The following TMCO4 variants were observed in gnomAD, a reference collection of about 807,000 sequenced individuals.
TMCO4 encodes transmembrane and coiled-coil domain-containing protein 4.
TMCO4 carries 58 observed loss-of-function variants against 64.7 expected under a neutral mutation model. The ratio of observed to expected loss-of-function variants is 0.90; its 90% CI spans 0.73 to 1.12. The LOEUF is 1.12. Ranked by LOEUF, TMCO4 falls within the 50% of genes most tolerant of loss-of-function variation. The pLI is 0.00. For missense variants in TMCO4, 780 were observed against 825.9 expected (o/e 0.94, Z 0.68); for synonymous variants, 325 against 346.1 (o/e 0.94, Z 0.68).
chr1:19,794,058 G>T (rs913381997), intron 2 of TMCO4, among the ~76,000 whole-genome samples: 5 of 151,690 alleles, frequency 3.3e-5, no homozygotes, highest in Admixed American at 1.3e-4. Flanking sequence ...CACCCCTGCC[G>T]CCTCTCCCAT....
chr1:19,757,189 T>A lies in TMCO4; in HGVS notation c.383-1423A>T, dbSNP rs530369566. Among the ~76,000 whole-genome samples the A allele has an allele frequency of 1.1e-4, 17 of 151,238 alleles. No individual in the cohort carries two copies. The South Asian group carries it at 2.3e-3, about 21-fold the overall frequency. On this transcript the variant is annotated intron_variant, in intron 6 of 15. Transcript: ENST00000294543. ...GGGGGCGCCTGTAATTTCCAGCAAC[T>A]TGGGAGGCTGAGGCATGAGCCACTG...
At chr1:19,701,461 C>T (rs1160699667) in intron 13 of TMCO4, among the ~76,000 whole-genome samples, 1 of 152,280 alleles carries the variant, frequency 6.6e-6, no homozygotes, top group East Asian at 1.9e-4. Flanking sequence ...CGTGAGCCAC[C>T]GCAGCCAGTC....
Position 19,775,510 on chromosome 1 carries a change from C to T in TMCO4, c.180-4028G>A, listed in dbSNP as rs558894588. Among the ~76,000 whole-genome samples the T allele has an allele frequency of 5.3e-5, 8 of 152,314 alleles. No individual in the cohort carries two copies. In the East Asian group the frequency reaches 1.5e-3, roughly 29 times the overall value. Reference sequence around the variant, plus strand: ...CAGGGCTTAGAAAACTACAGCTAACCAGCCATATCTTGCCTGCAGCCCTTA... The same window carrying T: ...CAGGGCTTAGAAAACTACAGCTAACTAGCCATATCTTGCCTGCAGCCCTTA... On this transcript the variant is annotated intron_variant, in intron 4 of 15. Transcript: ENST00000294543.
intron 13 of TMCO4, among the ~76,000 whole-genome samples, chr1:19,709,291 G>GT (rs905227691): frequency 2.0e-5 from 3 of 152,122 alleles, no homozygotes; most frequent in East Asian, 3.9e-4. Context: ...CCCGGCGGGG[G>GT]GGGGGGACCC....
chr1:19,688,050 G>A (rs752196774), intron 15 of TMCO4, among the ~76,000 whole-genome samples: 3 of 152,182 alleles, frequency 2.0e-5, no homozygotes, highest in Non-Finnish European at 4.4e-5. Flanking sequence ...ACTGCGTGAA[G>A]ATTCAGCCCC....
chr1:19,701,565 T>C (rs1455112242), intron 13 of TMCO4, among the ~76,000 whole-genome samples: 2 of 151,980 alleles, frequency 1.3e-5, no homozygotes, highest in Non-Finnish European at 2.9e-5. Flanking sequence ...GGAACCCAGG[T>C]CTCTCTCCAC....
Position 19,773,620 on chromosome 1 carries a change from T to C in TMCO4, c.180-2138A>G, listed in dbSNP as rs150866861. The stretch of plus-strand genomic sequence containing the variant: ...AGCTGGGGGTGAAAGGCCTTCATTC[T>C]TGAAGAGGAATCTTAGCAGAGAGCA... On this transcript the variant is annotated intron_variant, in intron 4 of 15. Transcript: ENST00000294543. Among the ~76,000 whole-genome samples the C allele has an allele frequency of 6.8e-3, 1,037 of 152,278 alleles. 12 individuals carry two copies. The highest frequency in any genetic ancestry group is 0.024 in the African/African-American group (990 of 41,560).
chr1:19,745,956 C>T (rs370592538), intron 9 of TMCO4, among the ~76,000 whole-genome samples: 11 of 152,278 alleles, frequency 7.2e-5, no homozygotes, highest in South Asian at 2.1e-4. Flanking sequence ...GCCCACACAC[C>T]GCAGGGGTAG....
intron 15 of TMCO4, among the ~76,000 whole-genome samples, chr1:19,690,395 GC>G (rs1014955063): frequency 6.6e-6 from 1 of 152,172 alleles, no homozygotes; most frequent in Non-Finnish European, 1.5e-5. Context: ...GCACACTAAC[GC>G]CCCCTCTGGG....
At chr1:19,749,662 C>T (rs143306370) in intron 7 of TMCO4, among the ~76,000 whole-genome samples, 4,066 of 152,246 alleles carry the variant, frequency 0.027, 74 homozygotes, top group Middle Eastern at 0.054. Context: ...GCCACCGTGC[C>T]GGGACAACTG....
rs2095108349 is a variant in TMCO4, at chr1:19,682,307, T to C, written c.*733A>G. 1 of 273,816 alleles carries C rather than the reference T, an allele frequency of 3.7e-6. No individual in the cohort carries two copies. The allele number at this position is 273,816 out of a possible 1,614,324, so 17.0% of individuals were successfully genotyped here. ...CCTGCTACAGGAAATTCTTTCCATG[T>C]AAAATTCATTCTTGTCCCCAGGCCT... On this transcript the variant is annotated 3_prime_UTR_variant, in exon 16 of 16. Coordinates refer to ENST00000294543, the MANE Select transcript of TMCO4 (RefSeq NM_181719.7).
chr1:19,708,163 G>A (rs916830680), intron 13 of TMCO4, among the ~76,000 whole-genome samples: 11 of 152,092 alleles, frequency 7.2e-5, no homozygotes, highest in African/African-American at 1.7e-4. Flanking sequence ...GGAAGCCTAC[G>A]ATGGTACTGT....
At chr1:19,776,242 T>A (rs2043199176) in intron 4 of TMCO4, among the ~76,000 whole-genome samples, 1 of 152,070 alleles carries the variant, frequency 6.6e-6, no homozygotes, top group African/African-American at 2.4e-5. Flanking sequence ...GTTTTGTGCA[T>A]CAGAAAACAG....
chr1:19,785,097 G>C (rs1400710027), intron 3 of TMCO4, among the ~76,000 whole-genome samples: 3 of 152,070 alleles, frequency 2.0e-5, no homozygotes, highest in Non-Finnish European at 4.4e-5. Context: ...ATTCCCTCCA[G>C]GCCCTTGCAC....
At chr1:19,755,881 G>C in intron 6 of TMCO4, 115 bp from the exon 7 acceptor site, 1 of 1,205,158 alleles carries the variant, frequency 8.3e-7, no homozygotes. Context: ...ACAACCCCAT[G>C]GGAGCCAGTC....
intron 6 of TMCO4, among the ~76,000 whole-genome samples, chr1:19,762,662 T>C (rs2042558229): frequency 6.6e-6 from 1 of 152,240 alleles, no homozygotes; most frequent in African/African-American, 2.4e-5. Flanking sequence ...TAAATGCCAG[T>C]TGCACCCACA....
chr1:19,797,399 G>C (rs779439067), intron 2 of TMCO4, among the ~76,000 whole-genome samples: 7 of 152,140 alleles, frequency 4.6e-5, no homozygotes, highest in Admixed American at 2.0e-4. Context: ...AGGGAGGCAG[G>C]GGGTAGAAGT....
At chr1:19,784,035 A>T (rs958574600) in intron 3 of TMCO4, among the ~76,000 whole-genome samples, 1 of 152,188 alleles carries the variant, frequency 6.6e-6, no homozygotes, top group East Asian at 1.9e-4. Context: ...AATTTCCACT[A>T]CATTTAATCA....
chr1:19,708,396 CATAA>C (rs887400525), intron 13 of TMCO4, among the ~76,000 whole-genome samples: 12 of 148,100 alleles, frequency 8.1e-5, no homozygotes, highest in African/African-American at 2.8e-4. Context: ...AAAAAAAATA[CATAA>C]ATAAAAAAAA....
Sources: gnomAD v4.1 joint callset for allele counts (sites outside exome capture counted in the v4.1 genomes callset) on GRCh38, gnomAD v4.1.1 for gene constraint, MANE v1.5 for transcripts, NCBI Gene and HGNC (gene_info 2026-07-23, HGNC 2026-07-21) for gene names.